The following OSBPL11 variants were observed in gnomAD, a reference collection of about 807,000 sequenced individuals.
The protein encoded by OSBPL11 is oxysterol binding protein like 11.
In OSBPL11, 33 loss-of-function variants were observed where a neutral mutation model predicts 84.4. That is an observed-to-expected ratio of 0.39 (90% CI 0.30 to 0.52). The LOEUF is 0.52. Among genes scored for constraint, OSBPL11 ranks in the 20% least tolerant of loss-of-function variants. The pLI is 0.72. For synonymous variants in OSBPL11, 276 were observed against 310.2 expected (o/e 0.89, Z 1.16); for missense variants, 736 against 901.1 (o/e 0.82, Z 2.35).
chr3:125,543,052 T>C (rs749341552), intron 10 of OSBPL11, among the ~76,000 whole-genome samples: 4 of 152,160 alleles, frequency 2.6e-5, no homozygotes, highest in Non-Finnish European at 5.9e-5. Context: ...AGACCAGTTC[T>C]GTTGAGGGTC....
At chr3:125,547,319 T>C (rs899223637) in intron 10 of OSBPL11, 87 bp downstream of exon 10, 6 of 1,135,616 alleles carry the variant, frequency 5.3e-6, no homozygotes, top group African/African-American at 4.7e-5. Flanking sequence ...CAACTTCACA[T>C]AGAACAGAGC....
At chr3:125,556,701 G>A (rs1935995650) in intron 8 of OSBPL11, among the ~76,000 whole-genome samples, 1 of 152,194 alleles carries the variant, frequency 6.6e-6, no homozygotes, top group Non-Finnish European at 1.5e-5. Flanking sequence ...TGGCAACACA[G>A]TCCTTTCCTT....
At chr3:125,541,256 G>A (rs536438170) in intron 10 of OSBPL11, among the ~76,000 whole-genome samples, 1 of 152,288 alleles carries the variant, frequency 6.6e-6, no homozygotes, top group East Asian at 1.9e-4. Flanking sequence ...AACAGGCATG[G>A]AATGGGTCTC....
chr3:125,579,036 G>A lies in OSBPL11; in HGVS notation c.413C>T (p.Thr138Ile). The A allele has an allele frequency of 1.9e-6, 3 of 1,583,322 alleles. No homozygotes were observed. The highest frequency in any genetic ancestry group is 2.6e-6 in the Non-Finnish European group (3 of 1,162,694). ...CCAGTGCTGTCGCTCTTTTGCATCT[G>A]TAGCTGTTAAAAGAATGTAAAAATT... ...ASGEQYKLRA[T>I]DAKERQHWVS... is the part of the protein sequence containing the mutation. The change falls in exon 4 of 13, where the codon ACA becomes ATA. Residue 138 changes from threonine to isoleucine, a missense_variant. Physicochemically the swap from Thr to Ile is moderately conservative, Grantham distance 89. This residue lies in a region of OSBPL11 where 43 missense variants were observed against 78.7 expected (regional missense o/e 0.55). Transcript: ENST00000296220.
At chr3:125,556,257 T>C (rs911669584) in intron 8 of OSBPL11, among the ~76,000 whole-genome samples, 2 of 152,188 alleles carry the variant, frequency 1.3e-5, no homozygotes, top group African/African-American at 4.8e-5. Context: ...CATGCTGCCA[T>C]TGTATCATCT....
intron 10 of OSBPL11, 58 bp from the exon 11 acceptor site, chr3:125,538,691 T>C: frequency 6.8e-7 from 1 of 1,474,700 alleles, no homozygotes; most frequent in Middle Eastern, 1.8e-4. Flanking sequence ...GTTTGTTTCT[T>C]AGATCTGAAA....
At chr3:125,580,774 C>T (rs1402917700) in intron 2 of OSBPL11, among the ~76,000 whole-genome samples, 1 of 151,938 alleles carries the variant, frequency 6.6e-6, no homozygotes, top group Non-Finnish European at 1.5e-5. Flanking sequence ...GAGGTTAAGG[C>T]AAGATATACT....
intron 11 of OSBPL11, among the ~76,000 whole-genome samples, chr3:125,534,417 C>G (rs141789816): frequency 1.7e-3 from 257 of 149,716 alleles, no homozygotes; most frequent in African/African-American, 6.0e-3. Flanking sequence ...TTTACCAAGA[C>G]AGAACATATT....
In OSBPL11 at chr3:125,563,698, C is replaced by T; in HGVS notation, c.1014G>A (p.Arg338=). 6.2e-7 allele frequency: 1 copy of T among 1,613,672 alleles called. No individual in the cohort carries two copies. The highest frequency in any genetic ancestry group is 8.5e-7 in the Non-Finnish European group (1 of 1,179,874). Residue 338 remains arginine (R), a splice_region_variant and synonymous_variant, in exon 7 of 13, where the codon AGG becomes AGA. Transcript: ENST00000296220. ...AAATCATATTTTTATATTACCTTAC[C>T]CTCGCTAATAGTCCAGATTCTGCAA... The part of the protein sequence containing the change: ...QPVAESGLLA[R]EPEEINADDE...
chr3:125,535,806 A>G (rs1935633050), intron 11 of OSBPL11, among the ~76,000 whole-genome samples: 1 of 151,666 alleles, frequency 6.6e-6, no homozygotes. Context: ...CATACATTCA[A>G]TCTGTGGTGA....
At chr3:125,531,779 G>T in intron 12 of OSBPL11, 82 bp downstream of exon 12, 1 of 1,317,644 alleles carries the variant, frequency 7.6e-7, no homozygotes, top group Non-Finnish European at 1.0e-6. Flanking sequence ...ATGTATAAGT[G>T]ATAGCAATTC....
intron 8 of OSBPL11, among the ~76,000 whole-genome samples, chr3:125,558,617 T>G (rs184858237): frequency 8.5e-4 from 129 of 152,326 alleles, no homozygotes; most frequent in African/African-American, 2.9e-3. Flanking sequence ...TCCATACTAA[T>G]GTAAAATTGT....
chr3:125,561,889 T>A (rs1023710371), intron 7 of OSBPL11, among the ~76,000 whole-genome samples: 24 of 152,332 alleles, frequency 1.6e-4, no homozygotes, highest in African/African-American at 5.0e-4. Flanking sequence ...TATCCCTACC[T>A]TACCGATGAG....
Position 125,552,306 on chromosome 3 carries a change from G to A in OSBPL11, c.1529C>T (p.Ser510Phe). The A allele has an allele frequency of 6.2e-7, 1 of 1,614,076 alleles. No homozygotes were observed. Among genetic ancestry groups the A allele is most frequent in the Non-Finnish European group, 8.5e-7 (1 of 1,180,034 alleles). Residue 510 changes from serine to phenylalanine, a missense_variant, in exon 9 of 13, where the codon TCT (serine) becomes TTT (phenylalanine). By Grantham distance (155) the Ser-to-Phe change is radical (BLOSUM62 -2). Around this residue, in one of 3 missense-constraint regions of OSBPL11, gnomAD observed 579 missense variants for 717.6 expected, o/e 0.81. Coordinates refer to ENST00000296220, the MANE Select transcript of OSBPL11 (RefSeq NM_022776.5). ...AAATCCTGAGACTGGAGGATGATGA[G>A]AAACCTGCTCAGCAACAAATCTGAC... ...YTVRFVAEQV[S>F]HHPPVSGFYA...
intron 4 of OSBPL11, among the ~76,000 whole-genome samples, chr3:125,577,554 G>C (rs1238256075): frequency 6.6e-6 from 1 of 152,164 alleles, no homozygotes; most frequent in African/African-American, 2.4e-5. Context: ...CTCGCTGGGC[G>C]TGGTGGCTCA....
At chr3:125,564,226 A>G (rs760607092) in intron 6 of OSBPL11, among the ~76,000 whole-genome samples, 3 of 152,232 alleles carry the variant, frequency 2.0e-5, no homozygotes, top group Non-Finnish European at 4.4e-5. Context: ...GGAGTCTGGG[A>G]CTGTGAAACA....
At chr3:125,557,829 G>A (rs779152248) in intron 8 of OSBPL11, among the ~76,000 whole-genome samples, 11 of 115,936 alleles carry the variant, frequency 9.5e-5, no homozygotes, top group Non-Finnish European at 1.5e-4. Context: ...ACAGGGTCTC[G>A]CTCCGTTGAC....
chr3:125,540,259 G>A (rs1030584127), intron 10 of OSBPL11, among the ~76,000 whole-genome samples: 1 of 147,238 alleles, frequency 6.8e-6, no homozygotes, highest in Admixed American at 6.9e-5. Context: ...AACCCAGGAG[G>A]CAGAGGTTGC....
intron 10 of OSBPL11, among the ~76,000 whole-genome samples, chr3:125,540,804 A>C (rs1012332716): frequency 6.6e-6 from 1 of 151,952 alleles, no homozygotes; most frequent in East Asian, 1.9e-4. Flanking sequence ...TATTGTTTAG[A>C]GCAGCTACAC....
Sources: gnomAD v4.1 joint callset for allele counts (sites outside exome capture counted in the v4.1 genomes callset) on GRCh38, gnomAD v4.1.1 for gene constraint, gnomAD v4.1.1 regional missense constraint, MANE v1.5 for transcripts, NCBI Gene and HGNC (gene_info 2026-07-23, HGNC 2026-07-21) for gene names.